Variants in ARHGAP6 observed in about 807,000 individuals in gnomAD.
The protein encoded by ARHGAP6 is Rho GTPase activating protein 6.
ARHGAP6 carries 16 observed loss-of-function variants against 55.7 expected under a neutral mutation model. That is an observed-to-expected ratio of 0.29 (90% CI 0.19 to 0.44). ARHGAP6 has a LOEUF of 0.44. Among genes scored for constraint, ARHGAP6 ranks in the 20% least tolerant of loss-of-function variants. The pLI is 1.00. For synonymous variants in ARHGAP6, 382 were observed against 360.9 expected, an observed-to-expected ratio of 1.06 and a Z score of -0.66; for missense variants, 698 against 808.9, an observed-to-expected ratio of 0.86 and a Z score of 1.66.
intron 1 of ARHGAP6, among the ~76,000 whole-genome samples, chrX:11,375,957 C>T (rs2049195736): frequency 9.2e-6 from 1 of 109,167 alleles, no homozygotes; most frequent in South Asian, 3.9e-4. Context: ...ATAAGAAATA[C>T]AAAGAAAATA....
At chrX:11,452,895 T>A (rs1358642647) in intron 1 of ARHGAP6, among the ~76,000 whole-genome samples, 1 of 111,127 alleles carries the variant, frequency 9.0e-6, no homozygotes, top group African/African-American at 3.3e-5. Context: ...TTCTACAATT[T>A]TTCTCAGTCT....
chrX:11,229,801 C>T (rs2147437112), intron 2 of ARHGAP6, among the ~76,000 whole-genome samples: 1 of 111,619 alleles, frequency 9.0e-6, no homozygotes, highest in East Asian at 2.8e-4. Context: ...TTGTTCTTTT[C>T]ATTTTAATTG....
At chrX:11,259,651 T>A (rs1352481983) in intron 1 of ARHGAP6, among the ~76,000 whole-genome samples, 2 of 112,125 alleles carry the variant, frequency 1.8e-5, no homozygotes, top group Non-Finnish European at 1.9e-5. Context: ...ATGACCCTGC[T>A]TTCTTTTATT....
chrX:11,237,606 G>A (rs985298055), intron 2 of ARHGAP6, among the ~76,000 whole-genome samples: 1 of 111,251 alleles, frequency 9.0e-6, no homozygotes, highest in Non-Finnish European at 1.9e-5. Context: ...CTTATTCAAA[G>A]CTTTGAAAAA....
chrX:11,390,849 C>G (rs1288632434), intron 1 of ARHGAP6, among the ~76,000 whole-genome samples: 1 of 112,074 alleles, frequency 8.9e-6, no homozygotes, highest in African/African-American at 3.2e-5. Flanking sequence ...AATAGGAACA[C>G]TTTTACACTG....
chrX:11,491,656 T>C (rs2050570034), intron 1 of ARHGAP6, among the ~76,000 whole-genome samples: 1 of 111,972 alleles, frequency 8.9e-6, no homozygotes, highest in Non-Finnish European at 1.9e-5. Flanking sequence ...CTATTGTGAA[T>C]AGAGCTGCAA....
At chrX:11,220,538 C>A (rs1325364763) in intron 2 of ARHGAP6, among the ~76,000 whole-genome samples, 1 of 110,479 alleles carries the variant, frequency 9.1e-6, no homozygotes, top group African/African-American at 3.3e-5. Flanking sequence ...AACTAAGCTT[C>A]ATAAGTGAAG....
intron 1 of ARHGAP6, among the ~76,000 whole-genome samples, chrX:11,282,663 G>A (rs189751733): frequency 6.5e-4 from 73 of 112,048 alleles, no homozygotes; most frequent in Admixed American, 1.0e-3. Context: ...TTCTGGAGGT[G>A]GCACCTGGCC....
At chrX:11,279,031 C>G (rs1301066470) in intron 1 of ARHGAP6, among the ~76,000 whole-genome samples, 6 of 111,206 alleles carry the variant, frequency 5.4e-5, no homozygotes, top group Non-Finnish European at 1.1e-4. Context: ...ATCTGGAGTC[C>G]CGTCCAGGAT....
At chrX:11,195,867 G>T (rs2046528053) in intron 3 of ARHGAP6, among the ~76,000 whole-genome samples, 1 of 103,567 alleles carries the variant, frequency 9.7e-6, no homozygotes, top group South Asian at 4.5e-4. Flanking sequence ...TGTAATCCCA[G>T]CACTTTGGGA....
chrX:11,243,435 T>C (rs762769112), intron 2 of ARHGAP6, among the ~76,000 whole-genome samples: 1 of 112,315 alleles, frequency 8.9e-6, no homozygotes, highest in Non-Finnish European at 1.9e-5. Context: ...AAGGGAATAT[T>C]GCTAACTTCT....
chrX:11,272,506 A>G (rs2047704526), intron 1 of ARHGAP6, among the ~76,000 whole-genome samples: 1 of 109,186 alleles, frequency 9.2e-6, no homozygotes, highest in Admixed American at 9.8e-5. Flanking sequence ...CATTTCTTGC[A>G]CCCTTCCACA....
chrX:11,211,495 G>A (rs1409489180), intron 2 of ARHGAP6, among the ~76,000 whole-genome samples: 1 of 110,973 alleles, frequency 9.0e-6, no homozygotes, highest in East Asian at 2.8e-4. Context: ...CTCCCAAAGT[G>A]CTGGGATTAC....
intron 1 of ARHGAP6, among the ~76,000 whole-genome samples, chrX:11,353,850 G>A (rs2048892755): frequency 9.0e-6 from 1 of 110,746 alleles, no homozygotes; most frequent in African/African-American, 3.3e-5. Flanking sequence ...AGTGGGTGAA[G>A]CCATATTCTA....
At chrX:11,604,980 A>G (rs2052017525) in intron 1 of ARHGAP6, among the ~76,000 whole-genome samples, 1 of 111,962 alleles carries the variant, frequency 8.9e-6, no homozygotes, top group Non-Finnish European at 1.9e-5. Flanking sequence ...AGCCTTCAGT[A>G]CAAACCATTC....
At chrX:11,385,158 G>A (rs977031704) in intron 1 of ARHGAP6, among the ~76,000 whole-genome samples, 3 of 111,272 alleles carry the variant, frequency 2.7e-5, no homozygotes, top group African/African-American at 9.8e-5. Context: ...TGGTGTCTTG[G>A]TCCAAAATCT....
chrX:11,143,595 GA>G, intron 11 of ARHGAP6: 1 of 939,666 alleles, frequency 1.1e-6, no homozygotes, highest in African/African-American at 2.0e-5. Context: ...GTTTTCTTTA[GA>G]AATGTAACAG....
chrX:11,397,581 A>C (rs1467602758), intron 1 of ARHGAP6, among the ~76,000 whole-genome samples: 1 of 112,141 alleles, frequency 8.9e-6, no homozygotes, highest in Non-Finnish European at 1.9e-5. Flanking sequence ...CCTAAGCTGT[A>C]TGAAAATATC....
intron 1 of ARHGAP6, among the ~76,000 whole-genome samples, chrX:11,646,558 T>C (rs1419943945): frequency 1.8e-5 from 2 of 112,222 alleles, no homozygotes; most frequent in Non-Finnish European, 3.8e-5. Context: ...TGTATATTCA[T>C]GTATTTACTT....
Sources: allele counts gnomAD v4.1 joint callset (sites outside exome capture counted in the v4.1 genomes callset), GRCh38; gene constraint gnomAD v4.1.1; transcripts MANE v1.5; gene names NCBI Gene and HGNC (gene_info 2026-07-23, HGNC 2026-07-21).